POU6F2: variants seen among roughly 807,000 people sequenced by gnomAD.
POU6F2 encodes POU domain, class 6, transcription factor 2.
In POU6F2, 31 loss-of-function variants were observed where a neutral mutation model predicts 71.3. That is an observed-to-expected ratio of 0.43 (90% confidence interval 0.33 to 0.59). POU6F2 has a LOEUF of 0.59. Among genes scored for constraint, POU6F2 ranks in the 20% least tolerant of loss-of-function variants. POU6F2 has a pLI of 0.04. For synonymous variants in POU6F2, 347 were observed against 355.7 expected, an observed-to-expected ratio of 0.98 and a Z score of 0.27; for missense variants, 783 against 856.8, an observed-to-expected ratio of 0.91 and a Z score of 1.07.
intron 4 of POU6F2, among the ~76,000 whole-genome samples, chr7:39,279,214 CA>C (rs1291806209): frequency 6.6e-6 from 1 of 152,240 alleles, no homozygotes; most frequent in East Asian, 1.9e-4. Context: ...TCCTTCACCT[CA>C]CCCTGGAGTG....
chr7:39,018,399 C>T (rs1789608859), intron 1 of POU6F2, among the ~76,000 whole-genome samples: 1 of 152,058 alleles, frequency 6.6e-6, no homozygotes, highest in Non-Finnish European at 1.5e-5. Context: ...TGCCGGAAGC[C>T]ATGACCTGAA....
At chr7:39,343,180 A>G (rs1199378615) in intron 5 of POU6F2, among the ~76,000 whole-genome samples, 1 of 152,202 alleles carries the variant, frequency 6.6e-6, no homozygotes, top group Non-Finnish European at 1.5e-5. Context: ...TCTTGGTTGT[A>G]GAACCCAAAA....
chr7:39,034,856 G>A (rs1345651164), intron 1 of POU6F2, among the ~76,000 whole-genome samples: 1 of 152,102 alleles, frequency 6.6e-6, no homozygotes, highest in Non-Finnish European at 1.5e-5. Flanking sequence ...ATTTGGTTGT[G>A]AGGGGATGCC....
intron 2 of POU6F2, among the ~76,000 whole-genome samples, chr7:39,113,603 G>T (rs1452435112): frequency 6.6e-6 from 1 of 152,166 alleles, no homozygotes. Flanking sequence ...GAAACAATCT[G>T]GAAATTTGAA....
intron 5 of POU6F2, among the ~76,000 whole-genome samples, chr7:39,384,867 A>C (rs1314072005): frequency 6.6e-6 from 1 of 152,246 alleles, no homozygotes; most frequent in African/African-American, 2.4e-5. Flanking sequence ...TTATTGAGTT[A>C]AGTTGATTCA....
At chr7:39,312,604 A>G (rs967847617) in intron 4 of POU6F2, among the ~76,000 whole-genome samples, 4 of 152,202 alleles carry the variant, frequency 2.6e-5, no homozygotes, top group African/African-American at 7.2e-5. Context: ...GTTTTCCCTT[A>G]TTAAGTTGAG....
chr7:39,306,833 T>C (rs2128765993), intron 4 of POU6F2, among the ~76,000 whole-genome samples: 1 of 152,342 alleles, frequency 6.6e-6, no homozygotes, highest in Middle Eastern at 3.4e-3. Flanking sequence ...CTGGCCAAAC[T>C]GGAGTTGTTG....
chr7:39,286,204 C>A (rs1041902129), intron 4 of POU6F2, among the ~76,000 whole-genome samples: 2 of 152,134 alleles, frequency 1.3e-5, no homozygotes, highest in Non-Finnish European at 2.9e-5. Context: ...CACTTACCAG[C>A]AAGATGGGGC....
intron 6 of POU6F2, among the ~76,000 whole-genome samples, chr7:39,409,737 C>G (rs948447560): frequency 6.6e-6 from 1 of 152,212 alleles, no homozygotes; most frequent in Non-Finnish European, 1.5e-5. Context: ...CCGTCAGGGT[C>G]TTGGCCCTCA....
At chr7:39,050,141 C>G (rs1478412604) in intron 1 of POU6F2, among the ~76,000 whole-genome samples, 2 of 151,862 alleles carry the variant, frequency 1.3e-5, no homozygotes, top group Non-Finnish European at 2.9e-5. Flanking sequence ...TTTTTTTCAT[C>G]TATAGTGTGT....
chr7:39,414,109 C>G (rs1405385008), intron 6 of POU6F2, among the ~76,000 whole-genome samples: 1 of 152,212 alleles, frequency 6.6e-6, no homozygotes, highest in East Asian at 1.9e-4. Context: ...CCCAACCGAA[C>G]ACTTCCCAGA....
At chr7:39,349,031 G>A (rs1786084846) in intron 5 of POU6F2, among the ~76,000 whole-genome samples, 1 of 152,136 alleles carries the variant, frequency 6.6e-6, no homozygotes, top group Non-Finnish European at 1.5e-5. Flanking sequence ...CTCCTTAATT[G>A]TGGGGTCAGC....
chr7:39,304,106 G>T (rs1373124054), intron 4 of POU6F2, among the ~76,000 whole-genome samples: 2 of 152,084 alleles, frequency 1.3e-5, no homozygotes, highest in African/African-American at 4.8e-5. Context: ...AATTTTCAAT[G>T]ATTTTATATG....
At chr7:39,154,293 G>C (rs1584571475) in intron 2 of POU6F2, among the ~76,000 whole-genome samples, 1 of 152,142 alleles carries the variant, frequency 6.6e-6, no homozygotes, top group Non-Finnish European at 1.5e-5. Context: ...GTAGACCTGG[G>C]TTTGCTTCCT....
Position 39,451,564 on chromosome 7 carries a change from A to G in POU6F2, c.1352A>G (p.Gln451Arg). Residue 451 changes from glutamine (Q) to arginine (R), a missense_variant, in exon 8 of 10, where the codon CAA (glutamine) becomes CGA (arginine). By Grantham distance (43) the Gln-to-Arg change is conservative. This residue lies in a region of POU6F2 where 572 missense variants were observed against 572.9 expected (regional missense o/e 1.00). Coordinates refer to ENST00000518318, the MANE Select transcript of POU6F2 (RefSeq NM_001370959.1). ...LHQPSQTSVG[Q>R]AASQGNLLHL... Reference sequence around the variant, plus strand: ...CAACCCTCCCAGACGTCAGTGGGTCAAGCAGCCTCCCAAGGCAACCTTCTG... The same window carrying G: ...CAACCCTCCCAGACGTCAGTGGGTCGAGCAGCCTCCCAAGGCAACCTTCTG... The G allele has an allele frequency of 6.2e-7, 1 of 1,613,718 alleles. No homozygotes were observed. Among genetic ancestry groups the G allele is most frequent in the Non-Finnish European group, 8.5e-7 (1 of 1,179,796 alleles).
chr7:38,998,654 A>T (rs1451666309), intron 1 of POU6F2, among the ~76,000 whole-genome samples: 1 of 143,472 alleles, frequency 7.0e-6, no homozygotes, highest in African/African-American at 2.6e-5. Flanking sequence ...TGTTAATCAC[A>T]TTTTTTTTTT....
intron 7 of POU6F2, among the ~76,000 whole-genome samples, chr7:39,448,531 CTCCTTTTGACTG>C (rs1788578763): frequency 6.6e-6 from 1 of 152,162 alleles, no homozygotes; most frequent in Non-Finnish European, 1.5e-5. Flanking sequence ...CCTTTTGACT[CTCCTTTTGACTG>C]TATGGACATG....
chr7:39,378,155 T>G (rs532457146), intron 5 of POU6F2, among the ~76,000 whole-genome samples: 1 of 152,328 alleles, frequency 6.6e-6, no homozygotes, highest in Admixed American at 6.5e-5. Flanking sequence ...ACAATCCATC[T>G]CTTATAATGA....
At chr7:39,083,240 AT>A in intron 1 of POU6F2, among the ~76,000 whole-genome samples, 1 of 152,332 alleles carries the variant, frequency 6.6e-6, no homozygotes, top group East Asian at 1.9e-4. Flanking sequence ...TGTCTGTTTT[AT>A]CATAAGACTG....
Sources: gnomAD v4.1 joint callset for allele counts (sites outside exome capture counted in the v4.1 genomes callset) on GRCh38, gnomAD v4.1.1 for gene constraint, gnomAD v4.1.1 regional missense constraint, MANE v1.5 for transcripts, NCBI Gene and HGNC (gene_info 2026-07-23, HGNC 2026-07-21) for gene names.